Variants in CAST observed in about 807,000 individuals in gnomAD.
The protein encoded by CAST is calpastatin, also known as MIR583 host.
Under a neutral mutation model 119.6 loss-of-function variants are expected in CAST, and 76 were observed. That is an observed-to-expected ratio of 0.64 (90% CI 0.53 to 0.77). CAST has a LOEUF of 0.77. Among genes scored for constraint, CAST ranks in the 30% least tolerant of loss-of-function variants. The probability of loss-of-function intolerance (pLI) is 0.00; values close to 1 mark genes in which losing one functional copy is unlikely to be tolerated. For missense variants in CAST, 953 were observed against 946.5 expected, an observed-to-expected ratio of 1.01 and a Z score of -0.09; for synonymous variants, 319 against 331.6, an observed-to-expected ratio of 0.96 and a Z score of 0.41.
At chr5:96,720,992 A>G (rs547890924) in intron 3 of CAST, among the ~76,000 whole-genome samples, 2 of 152,340 alleles carry the variant, frequency 1.3e-5, no homozygotes, top group East Asian at 3.9e-4. Flanking sequence ...TTATGGAAGG[A>G]TAGAATTACA....
chr5:96,333,173 A>C, the CAST span, among the ~76,000 whole-genome samples: 1 of 151,664 alleles, frequency 6.6e-6, no homozygotes, highest in Non-Finnish European at 1.5e-5. Flanking sequence ...CCCAGTTAAC[A>C]GGGGCAGGGG....
At chr5:96,680,792 T>C (rs1368159130) in intron 2 of CAST, among the ~76,000 whole-genome samples, 1 of 152,260 alleles carries the variant, frequency 6.6e-6, no homozygotes, top group Non-Finnish European at 1.5e-5. Context: ...TTCCCACAAG[T>C]GATTTAGCTG....
At chr5:96,370,787 C>A in the CAST span, among the ~76,000 whole-genome samples, 11,442 of 152,258 alleles carry the variant, frequency 0.075, 1,375 homozygotes, top group African/African-American at 0.25. Flanking sequence ...AGCAAATCCA[C>A]AAGCAAAACA....
At chr5:96,589,359 A>G (rs948902477) in intron 1 of CAST, among the ~76,000 whole-genome samples, 1 of 152,196 alleles carries the variant, frequency 6.6e-6, no homozygotes, top group East Asian at 1.9e-4. Context: ...CGTATATTTC[A>G]TTTTCAATAT....
chr5:96,646,594 G>T (rs1381554430), intron 1 of CAST, among the ~76,000 whole-genome samples: 1 of 152,116 alleles, frequency 6.6e-6, no homozygotes, highest in Non-Finnish European at 1.5e-5. Flanking sequence ...CATATAAATT[G>T]CTCTATTGGC....
the CAST span, among the ~76,000 whole-genome samples, chr5:96,144,202 C>G: frequency 6.6e-6 from 1 of 152,092 alleles, no homozygotes; most frequent in African/African-American, 2.4e-5. Flanking sequence ...TGAAAGTTAT[C>G]ATTAAGAATT....
intron 1 of CAST, among the ~76,000 whole-genome samples, chr5:96,530,960 T>C (rs907761786): frequency 6.6e-6 from 1 of 152,082 alleles, no homozygotes; most frequent in African/African-American, 2.4e-5. Context: ...GCCTAGATAA[T>C]TTTTGTATTT....
intron 1 of CAST, among the ~76,000 whole-genome samples, chr5:96,537,962 C>G (rs1443001885): frequency 6.6e-6 from 1 of 152,206 alleles, no homozygotes; most frequent in Non-Finnish European, 1.5e-5. Flanking sequence ...CCTGCAGTAG[C>G]TTTCATGCTT....
chr5:96,700,613 A>G (rs570114401), intron 3 of CAST, among the ~76,000 whole-genome samples: 1 of 152,324 alleles, frequency 6.6e-6, no homozygotes, highest in South Asian at 2.1e-4. Context: ...AGGAGACTGA[A>G]TAGTGCAGAA....
chr5:96,730,588 G>A (rs1224712442), intron 8 of CAST, among the ~76,000 whole-genome samples, 192 bp from the exon 9 acceptor site: 1 of 152,142 alleles, frequency 6.6e-6, no homozygotes, highest in Non-Finnish European at 1.5e-5. Flanking sequence ...CTGCGTGAAC[G>A]TTTTAGGCTC....
chr5:96,767,911 C>T lies in CAST; in HGVS notation c.2180C>T (p.Pro727Leu). The T allele has an allele frequency of 1.2e-6, 2 of 1,610,358 alleles. No individual in the cohort carries two copies. Among genetic ancestry groups the T allele is most frequent in the South Asian group, 2.2e-5 (2 of 90,976 alleles). The change falls in exon 29 of 32, where the codon CCT becomes CTT. Residue 727 changes from proline (P) to leucine (L), a missense_variant. Physicochemically the swap from Pro to Leu is moderately conservative, Grantham distance 98 (BLOSUM62 -3). Coordinates refer to ENST00000675179, the MANE Select transcript of CAST (RefSeq NM_001750.7). The part of the protein sequence containing the change: ...PTKKSEDSKK[P>L]ADDQDPIDAL... ...TTATTTCTACTCATATCTCAGAAAC[C>T]TGCAGATGACCAAGACCCCATTGAT...
the CAST span, among the ~76,000 whole-genome samples, chr5:96,168,221 A>C: frequency 6.6e-6 from 1 of 152,214 alleles, no homozygotes; most frequent in Non-Finnish European, 1.5e-5. Flanking sequence ...TTGGAACGCT[A>C]GCTGCTTTTA....
chr5:96,626,566 C>A (rs1484245551), intron 1 of CAST, among the ~76,000 whole-genome samples: 2 of 152,146 alleles, frequency 1.3e-5, no homozygotes, highest in Non-Finnish European at 2.9e-5. Context: ...CTGATGAAGC[C>A]CCACCTCCTC....
the CAST span, among the ~76,000 whole-genome samples, chr5:96,150,810 G>A: frequency 6.6e-6 from 1 of 152,172 alleles, no homozygotes; most frequent in African/African-American, 2.4e-5. Flanking sequence ...AGCTGTGGGG[G>A]GCAGGGCCTC....
chr5:96,222,058 G>A, the CAST span, among the ~76,000 whole-genome samples: 1 of 152,130 alleles, frequency 6.6e-6, no homozygotes, highest in African/African-American at 2.4e-5. Flanking sequence ...ATATCCATAT[G>A]CAGAATAATA....
At chr5:96,074,689 C>T in the CAST span, among the ~76,000 whole-genome samples, 95,614 of 152,100 alleles carry the variant, frequency 0.63, 30,277 homozygotes, top group African/African-American at 0.67. Context: ...ATATTTTACC[C>T]TGTAGTACCT....
chr5:96,105,670 C>T, the CAST span, among the ~76,000 whole-genome samples: 173 of 152,288 alleles, frequency 1.1e-3, 2 homozygotes, highest in African/African-American at 4.1e-3. Flanking sequence ...CATCAATGTT[C>T]ATCAAGGATA....
At chr5:96,706,409 G>A (rs952678289) in intron 3 of CAST, among the ~76,000 whole-genome samples, 7 of 152,206 alleles carry the variant, frequency 4.6e-5, no homozygotes, top group African/African-American at 1.7e-4. Flanking sequence ...AATGTAAAAA[G>A]TGTTAAATGG....
intron 29 of CAST, chr5:96,769,418 G>A (rs1263349429): frequency 6.8e-6 from 1 of 146,486 alleles, no homozygotes; most frequent in African/African-American, 2.5e-5. Flanking sequence ...TTGCCTTTTG[G>A]TACACAAAAG....
Sources: gnomAD v4.1 joint callset for allele counts (sites outside exome capture counted in the v4.1 genomes callset) on GRCh38, gnomAD v4.1.1 for gene constraint, MANE v1.5 for transcripts, NCBI Gene and HGNC (gene_info 2026-07-23, HGNC 2026-07-21) for gene names.